ADARB2: variants seen among roughly 807,000 people sequenced by gnomAD.
The protein encoded by ADARB2 is inactive double-stranded RNA-specific editase B2.
In ADARB2, 25 loss-of-function variants were observed where a neutral mutation model predicts 62.2. That is an observed-to-expected ratio of 0.40 (90% CI 0.29 to 0.56). The LOEUF (loss-of-function observed/expected upper bound fraction) is 0.56. Among genes scored for constraint, ADARB2 ranks in the 20% least tolerant of loss-of-function variants. The pLI is 0.43. For synonymous variants in ADARB2, 572 were observed against 500.8 expected, an observed-to-expected ratio of 1.14 and a Z score of -1.90; for missense variants, 1,071 against 1,077.4, an observed-to-expected ratio of 0.99 and a Z score of 0.08.
intron 1 of ADARB2, among the ~76,000 whole-genome samples, chr10:1,522,261 T>C (rs1463607088): frequency 6.6e-6 from 1 of 152,194 alleles, no homozygotes; most frequent in Non-Finnish European, 1.5e-5. Context: ...AGAGGTTGTC[T>C]TCATATAACC....
chr10:1,530,604 C>T (rs2813457), intron 1 of ADARB2, among the ~76,000 whole-genome samples: 2,408 of 152,264 alleles, frequency 0.016, 64 homozygotes, highest in African/African-American at 0.055. Context: ...TCCGCCCCTG[C>T]GCCCAAAGCC....
chr10:1,569,004 G>A (rs901389019), intron 1 of ADARB2, among the ~76,000 whole-genome samples: 4 of 152,134 alleles, frequency 2.6e-5, no homozygotes, highest in African/African-American at 7.2e-5. Context: ...GAGATGGTGA[G>A]AGAGAGACAC....
Position 1,408,635 on chromosome 10 carries a change from G to A in ADARB2, c.101-29475C>T, listed in dbSNP as rs142678544. On this transcript the variant is annotated intron_variant, in intron 1 of 9. Transcript: ENST00000381312. ...CAATTTTAAAAGCTTGCTGCCCGTC[G>A]GAAACCAGAAAGTCACCCTATGGCT... Among the ~76,000 whole-genome samples, 1,117 of 152,156 alleles carry A rather than the reference G, an allele frequency of 7.3e-3. 8 individuals are homozygous for A. Among genetic ancestry groups the A allele is most frequent in the African/African-American group, 0.024 (1,010 of 41,524 alleles).
chr10:1,182,331 A>C lies in ADARB2; in HGVS notation c.*862T>G, dbSNP rs755883255. ...ATAAACCAAACGCCATGACGGACTG[A>C]ACAGGCATGGGCCAGGTGTTTCCGG... On this transcript the variant is annotated 3_prime_UTR_variant, in exon 10 of 10. Coordinates refer to ENST00000381312, the MANE Select transcript of ADARB2 (RefSeq NM_018702.4). 1.3e-5 allele frequency: 2 copies of C among 153,044 alleles called. No homozygotes were observed. Among genetic ancestry groups the C allele is most frequent in the African/African-American group, 2.4e-5 (1 of 41,458 alleles). 9.5% of individuals were successfully genotyped at this position (153,044 alleles called of 1,614,324 possible). A position where few individuals can be genotyped will look rare whatever the true frequency, so the allele number is the denominator to read the frequency against.
At chr10:1,545,202 C>T (rs1407916674) in intron 1 of ADARB2, among the ~76,000 whole-genome samples, 2 of 152,286 alleles carry the variant, frequency 1.3e-5, no homozygotes, top group Non-Finnish European at 2.9e-5. Flanking sequence ...CTCCATGCTT[C>T]CTAACGAGTA....
At chr10:1,466,641 G>A (rs2131913613) in intron 1 of ADARB2, among the ~76,000 whole-genome samples, 1 of 152,306 alleles carries the variant, frequency 6.6e-6, no homozygotes, top group South Asian at 2.1e-4. Flanking sequence ...CACTGGAGGT[G>A]GTTGATTGCG....
rs185929771 is a variant in ADARB2, at chr10:1,726,664, G to A, written c.100+10387C>T. Among the ~76,000 whole-genome samples the A allele has an allele frequency of 2.1e-4, 32 of 152,326 alleles. 1 individual carries two copies. Among genetic ancestry groups the A allele is most frequent in the Admixed American group, 1.6e-3 (25 of 15,308 alleles). On this transcript the variant is annotated intron_variant, in intron 1 of 9. Coordinates refer to ENST00000381312, the MANE Select transcript of ADARB2 (RefSeq NM_018702.4). Reference sequence around the variant, plus strand: ...GCTGCCTGGATTTTTCATGAGATAGGCAGGCAGCACTTGCCCTGAGCTGCA... The same window carrying A: ...GCTGCCTGGATTTTTCATGAGATAGACAGGCAGCACTTGCCCTGAGCTGCA...
At chr10:1,300,900 G>A (rs1337845460) in intron 3 of ADARB2, among the ~76,000 whole-genome samples, 2 of 152,182 alleles carry the variant, frequency 1.3e-5, no homozygotes, top group Non-Finnish European at 2.9e-5. Context: ...AGAAGATAAA[G>A]CAATATGCAA....
At chr10:1,458,707 C>G (rs79729463) in intron 1 of ADARB2, among the ~76,000 whole-genome samples, 1 of 152,132 alleles carries the variant, frequency 6.6e-6, no homozygotes, top group African/African-American at 2.4e-5. Context: ...TCTTAAATAA[C>G]GAGGGCGGTA....
intron 7 of ADARB2, among the ~76,000 whole-genome samples, chr10:1,211,107 ATCTATCT>A (rs965025101): frequency 1.4e-4 from 21 of 148,948 alleles, no homozygotes; most frequent in Non-Finnish European, 3.1e-4. Context: ...CCTCCCTCCT[ATCTATCT>A]TCTATCATCT....
chr10:1,549,628 C>T (rs151269075), intron 1 of ADARB2, among the ~76,000 whole-genome samples: 8 of 152,208 alleles, frequency 5.3e-5, no homozygotes, highest in Non-Finnish European at 1.2e-4. Flanking sequence ...GAGCACGGCA[C>T]TGAGAGAGCT....
intron 3 of ADARB2, among the ~76,000 whole-genome samples, chr10:1,273,570 C>G (rs926019570): frequency 1.3e-5 from 2 of 152,324 alleles, no homozygotes; most frequent in South Asian, 4.1e-4. Context: ...AAAGGTCAGG[C>G]CTGGCTGTGA....
At position 1,588,894 on chromosome 10, in the gene ADARB2, G is replaced by A. The variant is rs1016480982; in HGVS notation, c.100+148157C>T. 5.9e-5 allele frequency among the ~76,000 whole-genome samples: 9 copies of A among 152,276 alleles called. No individual in the cohort carries two copies. The South Asian group carries it at 6.2e-4, about 11-fold the overall frequency. ...ATGGCCTCCGATGCTTGGAGGAGTC[G>A]GCTTGAGGCCTGGCTGGCTTTGTTC... On this transcript the variant is annotated intron_variant, in intron 1 of 9. Coordinates refer to ENST00000381312, the MANE Select transcript of ADARB2 (RefSeq NM_018702.4).
intron 1 of ADARB2, among the ~76,000 whole-genome samples, chr10:1,567,920 T>G (rs1318631001): frequency 6.6e-6 from 1 of 152,108 alleles, no homozygotes; most frequent in African/African-American, 2.4e-5. Flanking sequence ...GCCCTTTGCC[T>G]CCTGCCTGCG....
At chr10:1,234,439 A>G (rs914718403) in intron 5 of ADARB2, among the ~76,000 whole-genome samples, 1 of 152,020 alleles carries the variant, frequency 6.6e-6, no homozygotes. Context: ...TGTCAGGGTT[A>G]TTATTATTCT....
chr10:1,487,862 G>A (rs76350535), intron 1 of ADARB2, among the ~76,000 whole-genome samples: 1 of 152,142 alleles, frequency 6.6e-6, no homozygotes, highest in African/African-American at 2.4e-5. Flanking sequence ...TGCCGCGGGT[G>A]TGAGGAGAGC....
intron 1 of ADARB2, among the ~76,000 whole-genome samples, chr10:1,543,030 C>G (rs1424680781): frequency 1.3e-5 from 2 of 152,264 alleles, no homozygotes; most frequent in Admixed American, 1.3e-4. Context: ...TGCAGCTCCG[C>G]GCTGGGCAGC....
chr10:1,515,119 T>C (rs1588284121), intron 1 of ADARB2, among the ~76,000 whole-genome samples: 3 of 152,340 alleles, frequency 2.0e-5, no homozygotes, highest in South Asian at 2.1e-4. Flanking sequence ...GCAGCAGCGA[T>C]AGTGCAACAT....
intron 1 of ADARB2, among the ~76,000 whole-genome samples, chr10:1,646,285 C>T (rs569253146): frequency 1.3e-5 from 2 of 152,354 alleles, no homozygotes; most frequent in Admixed American, 1.3e-4. Flanking sequence ...TGGGCTTTGT[C>T]AAGCAGCAAA....
Sources: allele counts gnomAD v4.1 joint callset (sites outside exome capture counted in the v4.1 genomes callset), GRCh38; gene constraint gnomAD v4.1.1; transcripts MANE v1.5; gene names NCBI Gene and HGNC (gene_info 2026-07-23, HGNC 2026-07-21).